Variants in ENTREP2 observed in about 807,000 individuals in gnomAD.
The protein encoded by ENTREP2 is protein ENTREP2.
the ENTREP2 span, among the ~76,000 whole-genome samples, chr15:29,244,595 C>G: frequency 6.6e-6 from 1 of 152,210 alleles, no homozygotes; most frequent in African/African-American, 2.4e-5. Flanking sequence ...GGGAAGGACG[C>G]CTGGATCAGG....
At chr15:29,412,010 T>C in the ENTREP2 span, among the ~76,000 whole-genome samples, 1 of 152,288 alleles carries the variant, frequency 6.6e-6, no homozygotes, top group African/African-American at 2.4e-5. Context: ...TAGCATAAAT[T>C]CCCCCCAAAT....
At chr15:29,267,698 T>C in the ENTREP2 span, 1 of 152,190 alleles carries the variant, frequency 6.6e-6, no homozygotes, top group East Asian at 1.9e-4. Context: ...ATTGCTCTCC[T>C]AGGAATGATT....
chr15:29,236,905 A>T, the ENTREP2 span, among the ~76,000 whole-genome samples: 1 of 151,806 alleles, frequency 6.6e-6, no homozygotes, highest in Non-Finnish European at 1.5e-5. Context: ...GGAAGGAAAG[A>T]AGGGAGGAAA....
chr15:29,526,955 C>CG, the ENTREP2 span, among the ~76,000 whole-genome samples: 14 of 152,122 alleles, frequency 9.2e-5, no homozygotes, highest in Admixed American at 4.6e-4. Context: ...CTGTGGAATC[C>CG]GGGGGGCACG....
the ENTREP2 span, among the ~76,000 whole-genome samples, chr15:29,525,892 T>G: frequency 6.6e-6 from 1 of 152,092 alleles, no homozygotes; most frequent in South Asian, 2.1e-4. Context: ...AAACAGAAAG[T>G]AAAAACACAG....
chr15:29,628,031 CTA>C, the ENTREP2 span, among the ~76,000 whole-genome samples: 2 of 152,110 alleles, frequency 1.3e-5, no homozygotes, highest in African/African-American at 4.8e-5. Flanking sequence ...TAAGGTAATT[CTA>C]TGTTTAACTT....
the ENTREP2 span, among the ~76,000 whole-genome samples, chr15:29,671,522 T>C: frequency 3.3e-5 from 5 of 152,134 alleles, no homozygotes; most frequent in African/African-American, 4.8e-5. Context: ...CATAGGACAC[T>C]CAGTTGGTAC....
the ENTREP2 span, chr15:29,377,075 A>T: frequency 6.6e-6 from 1 of 152,206 alleles, no homozygotes; most frequent in Non-Finnish European, 1.5e-5. Flanking sequence ...CCTGGGAATG[A>T]ACTAGAAAAC....
chr15:29,322,290 A>G, the ENTREP2 span, among the ~76,000 whole-genome samples: 3 of 152,308 alleles, frequency 2.0e-5, no homozygotes, highest in Admixed American at 6.5e-5. Flanking sequence ...AACACTTAAA[A>G]TATATTCTAT....
At chr15:29,179,938 A>G in the ENTREP2 span, among the ~76,000 whole-genome samples, 1 of 152,080 alleles carries the variant, frequency 6.6e-6, no homozygotes, top group Admixed American at 6.5e-5. Flanking sequence ...GACTGATGCT[A>G]TGGAAGCAGA....
chr15:29,598,390 A>G, the ENTREP2 span, among the ~76,000 whole-genome samples: 17 of 152,350 alleles, frequency 1.1e-4, no homozygotes, highest in African/African-American at 3.8e-4. Flanking sequence ...TTTTGGGCCA[A>G]TGCCCATTAT....
At chr15:29,517,455 AC>A in the ENTREP2 span, among the ~76,000 whole-genome samples, 11 of 152,150 alleles carry the variant, frequency 7.2e-5, no homozygotes, top group African/African-American at 2.7e-4. Flanking sequence ...CCTACATTAT[AC>A]CGTTCTTTGA....
At chr15:29,176,095 C>T in the ENTREP2 span, among the ~76,000 whole-genome samples, 1 of 152,240 alleles carries the variant, frequency 6.6e-6, no homozygotes, top group Non-Finnish European at 1.5e-5. Context: ...GTAATTTCAA[C>T]GATCTTATTA....
At chr15:29,371,660 G>A in the ENTREP2 span, among the ~76,000 whole-genome samples, 1 of 151,980 alleles carries the variant, frequency 6.6e-6, no homozygotes, top group South Asian at 2.1e-4. Context: ...AAAGCAATTA[G>A]AGAAAAACAC....
chr15:29,530,414 A>G, the ENTREP2 span, among the ~76,000 whole-genome samples: 1 of 152,184 alleles, frequency 6.6e-6, no homozygotes, highest in Non-Finnish European at 1.5e-5. Context: ...CCAACTTATA[A>G]TAATCACAAC....
chr15:29,280,731 C>T, the ENTREP2 span, among the ~76,000 whole-genome samples: 62 of 152,304 alleles, frequency 4.1e-4, no homozygotes, highest in Non-Finnish European at 7.6e-4. Context: ...TTCCAGCAGC[C>T]GGGGAACCGC....
At chr15:29,634,601 A>G in the ENTREP2 span, among the ~76,000 whole-genome samples, 43,231 of 152,110 alleles carry the variant, frequency 0.28, 9,282 homozygotes, top group African/African-American at 0.6. Flanking sequence ...ATTCAGTTCC[A>G]ATACTGTCTA....
chr15:29,633,960 GAA>G, the ENTREP2 span, among the ~76,000 whole-genome samples: 1 of 151,020 alleles, frequency 6.6e-6, no homozygotes, highest in Non-Finnish European at 1.5e-5. Context: ...TCAAAAAAAA[GAA>G]AAAGAAAAAA....
At chr15:29,499,069 T>C in the ENTREP2 span, among the ~76,000 whole-genome samples, 1 of 152,246 alleles carries the variant, frequency 6.6e-6, no homozygotes, top group Non-Finnish European at 1.5e-5. Flanking sequence ...CGGCAGCATA[T>C]AGTTGAGTCT....
Sources: allele counts gnomAD v4.1 joint callset (sites outside exome capture counted in the v4.1 genomes callset), GRCh38; gene constraint gnomAD v4.1.1; transcripts MANE v1.5; gene names NCBI Gene and HGNC (gene_info 2026-07-23, HGNC 2026-07-21).